Variants in PTPRO observed in about 807,000 individuals in gnomAD.
The protein encoded by PTPRO is receptor-type tyrosine-protein phosphatase O.
In PTPRO, 62 loss-of-function variants were observed where a neutral mutation model predicts 145.2. The observed-to-expected ratio is 0.43, with a 90% CI of 0.35 to 0.53. The LOEUF is 0.53. Among genes scored for constraint, PTPRO ranks in the 20% least tolerant of loss-of-function variants. The pLI, the probability that PTPRO is intolerant of heterozygous loss-of-function variation, is 0.01. For synonymous variants in PTPRO, 565 were observed against 514.7 expected, an observed-to-expected ratio of 1.10 and a Z score of -1.32; for missense variants, 1,345 against 1,482.7, an observed-to-expected ratio of 0.91 and a Z score of 1.53.
chr12:15,525,057 A>T (rs1942809305), intron 11 of PTPRO, 92 bp downstream of exon 11: 6 of 1,470,422 alleles, frequency 4.1e-6, no homozygotes, highest in Non-Finnish European at 5.7e-6. Context: ...TGACACGTCA[A>T]ATGTTTGCAT....
intron 12 of PTPRO, among the ~76,000 whole-genome samples, chr12:15,541,293 T>C (rs1943175433): frequency 6.6e-6 from 1 of 152,236 alleles, no homozygotes; most frequent in Non-Finnish European, 1.5e-5. Context: ...AAATTTCATT[T>C]ACTCTTCTCA....
chr12:15,475,166 C>T (rs1941627109), intron 1 of PTPRO, among the ~76,000 whole-genome samples: 1 of 152,232 alleles, frequency 6.6e-6, no homozygotes, highest in Non-Finnish European at 1.5e-5. Flanking sequence ...AGTCTATTTA[C>T]TCTTCTTCTT....
At chr12:15,498,951 A>G (rs1411047862) in intron 3 of PTPRO, among the ~76,000 whole-genome samples, 1 of 152,270 alleles carries the variant, frequency 6.6e-6, no homozygotes, top group African/African-American at 2.4e-5. Flanking sequence ...TCTAAGTGGA[A>G]TCCAAACTTT....
intron 3 of PTPRO, among the ~76,000 whole-genome samples, chr12:15,498,705 G>T (rs528740348): frequency 3.3e-4 from 50 of 152,164 alleles, no homozygotes; most frequent in Admixed American, 5.2e-4. Context: ...TAAATGGAAA[G>T]TTATTTGTTT....
chr12:15,581,019 T>TA (rs1944301189), intron 22 of PTPRO, among the ~76,000 whole-genome samples, 188 bp downstream of exon 22: 1 of 152,076 alleles, frequency 6.6e-6, no homozygotes, highest in South Asian at 2.1e-4. Flanking sequence ...GTCTTTGCAA[T>TA]GTCTAAAGGA....
At chr12:15,595,447 A>G in intron 26 of PTPRO, 1 of 240,880 alleles carries the variant, frequency 4.2e-6, no homozygotes, top group South Asian at 6.2e-5. Context: ...CGGGGTTACA[A>G]AAAGACATGA....
intron 15 of PTPRO, among the ~76,000 whole-genome samples, chr12:15,554,392 T>G (rs1943560177): frequency 6.7e-6 from 1 of 149,784 alleles, no homozygotes; most frequent in Non-Finnish European, 1.5e-5. Context: ...TTAGATATTA[T>G]ATATAGATAT....
chr12:15,578,302 T>C (rs1944231512), intron 19 of PTPRO, among the ~76,000 whole-genome samples: 1 of 152,186 alleles, frequency 6.6e-6, no homozygotes, highest in Non-Finnish European at 1.5e-5. Flanking sequence ...CCTCCAAAAA[T>C]CTGAAATGCA....
chr12:15,367,069 A>T (rs10161193), intron 1 of PTPRO, among the ~76,000 whole-genome samples: 27,386 of 152,218 alleles, frequency 0.18, 2,907 homozygotes, highest in Non-Finnish European at 0.25. Context: ...CATTTATTAA[A>T]GTATAGTACA....
rs747220448 is a variant in PTPRO at position 15,526,190 on chromosome 12, A to G, written c.2092A>G (p.Ile698Val). ...TAILSLPPGD[I>V]YNLSVTACTE... ...AATTCTCAGCTTGCCTCCAGGCGAC[A>G]TCTATAACCTCTCAGTAACTGCTTG... Residue 698 changes from isoleucine to valine, a missense_variant, in exon 12 of 27, where the codon ATC (isoleucine) becomes GTC (valine). Physicochemically the swap from Ile to Val is conservative, Grantham distance 29. Around this residue, in one of 3 missense-constraint regions of PTPRO, gnomAD observed 1,130 missense variants for 1,214.7 expected, o/e 0.93. Coordinates refer to ENST00000281171, the MANE Select transcript of PTPRO (RefSeq NM_030667.3). The G allele has an allele frequency of 1.2e-6, 2 of 1,613,980 alleles. No homozygotes were observed. The highest frequency in any genetic ancestry group is 1.7e-5 in the Admixed American group (1 of 60,024).
At chr12:15,466,593 A>G (rs762543303) in intron 1 of PTPRO, among the ~76,000 whole-genome samples, 6 of 152,214 alleles carry the variant, frequency 3.9e-5, no homozygotes, top group Non-Finnish European at 5.9e-5. Flanking sequence ...AATTAAGCAC[A>G]TAGTGTGTGT....
intron 1 of PTPRO, among the ~76,000 whole-genome samples, chr12:15,336,717 T>C (rs751262536): frequency 1.3e-5 from 2 of 152,216 alleles, no homozygotes; most frequent in Non-Finnish European, 2.9e-5. Context: ...CAAATCACAG[T>C]GGCTGCACAG....
chr12:15,484,298 TC>T (rs1273313626), intron 2 of PTPRO, 51 bp downstream of exon 2: 1 of 1,605,542 alleles, frequency 6.2e-7, no homozygotes, highest in Admixed American at 1.7e-5. Flanking sequence ...TTCCCCTGTT[TC>T]TTCCCGTAGG....
chr12:15,579,214 T>C (rs1213671510), intron 20 of PTPRO, among the ~76,000 whole-genome samples: 1 of 152,210 alleles, frequency 6.6e-6, no homozygotes, highest in Non-Finnish European at 1.5e-5. Context: ...CACAGTCAAA[T>C]TGGGGATTGG....
intron 21 of PTPRO, among the ~76,000 whole-genome samples, chr12:15,580,346 G>A (rs185617419): frequency 5.3e-5 from 8 of 152,316 alleles, no homozygotes; most frequent in African/African-American, 1.7e-4. Flanking sequence ...AAGTAGAAAG[G>A]TTAAAGATCA....
intron 1 of PTPRO, among the ~76,000 whole-genome samples, chr12:15,404,468 A>G (rs1390006207): frequency 6.6e-6 from 1 of 151,972 alleles, no homozygotes; most frequent in East Asian, 1.9e-4. Flanking sequence ...GAATTTTTTT[A>G]TTTATTTGTG....
intron 1 of PTPRO, among the ~76,000 whole-genome samples, chr12:15,415,235 A>G (rs1244226305): frequency 6.6e-6 from 1 of 152,152 alleles, no homozygotes; most frequent in African/African-American, 2.4e-5. Context: ...TCCCCCCCAA[A>G]AAAAGAAGCC....
intron 19 of PTPRO, 70 bp downstream of exon 19, chr12:15,569,568 G>A (rs967060242): frequency 1.9e-5 from 26 of 1,366,598 alleles, no homozygotes; most frequent in South Asian, 7.0e-5. Context: ...TTTGTGTTGC[G>A]GTCATGTCCC....
At chr12:15,440,623 G>A (rs1940736913) in intron 1 of PTPRO, among the ~76,000 whole-genome samples, 1 of 152,106 alleles carries the variant, frequency 6.6e-6, no homozygotes, top group African/African-American at 2.4e-5. Flanking sequence ...CACTTTGGGA[G>A]GCCAAGGCAG....
Sources: gnomAD v4.1 joint callset for allele counts (sites outside exome capture counted in the v4.1 genomes callset) on GRCh38, gnomAD v4.1.1 for gene constraint, gnomAD v4.1.1 regional missense constraint, MANE v1.5 for transcripts, NCBI Gene and HGNC (gene_info 2026-07-23, HGNC 2026-07-21) for gene names.